SLC6A20: variants seen among roughly 807,000 people sequenced by gnomAD.
SLC6A20 encodes the protein solute carrier family 6 member 20, also known as sodium- and chloride-dependent transporter XTRP3.
Under a neutral mutation model 64.3 loss-of-function variants are expected in SLC6A20, and 73 were observed. That is an observed-to-expected ratio of 1.14 (90% CI 0.94 to 1.38). SLC6A20 has a LOEUF of 1.38. SLC6A20 is among the 40% of genes most tolerant of loss of function. SLC6A20 has a pLI of 0.00. For missense variants in SLC6A20, 725 were observed against 772.8 expected (o/e 0.94, Z 0.73); for synonymous variants, 347 against 329.6 (o/e 1.05, Z -0.57).
chr3:45,789,300 A>G (rs1239858111), intron 1 of SLC6A20, among the ~76,000 whole-genome samples: 3 of 152,244 alleles, frequency 2.0e-5, no homozygotes, highest in Non-Finnish European at 4.4e-5. Context: ...TTCATAATGT[A>G]AAAGATCAAA....
chr3:45,768,702 C>G (rs1699813582), intron 7 of SLC6A20, among the ~76,000 whole-genome samples: 1 of 152,170 alleles, frequency 6.6e-6, no homozygotes, highest in Non-Finnish European at 1.5e-5. Context: ...CCAAACAAAC[C>G]AAACCCAACC....
intron 2 of SLC6A20, among the ~76,000 whole-genome samples, chr3:45,780,803 A>G (rs1700071659): frequency 6.6e-6 from 1 of 152,248 alleles, no homozygotes; most frequent in South Asian, 2.1e-4. Context: ...GAAACCGGCC[A>G]TGGTGCCTGT....
chr3:45,784,936 C>A (rs1575436188), intron 1 of SLC6A20, among the ~76,000 whole-genome samples: 1 of 152,108 alleles, frequency 6.6e-6, no homozygotes, highest in South Asian at 2.1e-4. Flanking sequence ...TATAACAAAC[C>A]CACTCTCTCA....
At chr3:45,790,838 T>C (rs1005132919) in intron 1 of SLC6A20, among the ~76,000 whole-genome samples, 1 of 152,226 alleles carries the variant, frequency 6.6e-6, no homozygotes, top group Admixed American at 6.5e-5. Context: ...CTTTTTCATC[T>C]CCAGTTTCCT....
At chr3:45,792,715 G>A (rs554904862) in intron 1 of SLC6A20, among the ~76,000 whole-genome samples, 70 of 152,272 alleles carry the variant, frequency 4.6e-4, no homozygotes, top group Non-Finnish European at 8.1e-4. Context: ...AGAGCCAACC[G>A]GCCCCACCTC....
intron 1 of SLC6A20, among the ~76,000 whole-genome samples, chr3:45,787,915 T>C (rs901637783): frequency 6.6e-6 from 1 of 152,206 alleles, no homozygotes; most frequent in African/African-American, 2.4e-5. Context: ...TTTTCTCTTC[T>C]TGTAATCTCC....
intron 3 of SLC6A20, among the ~76,000 whole-genome samples, chr3:45,777,634 G>A (rs142315247): frequency 9.2e-5 from 14 of 152,310 alleles, no homozygotes; most frequent in South Asian, 2.1e-4. Flanking sequence ...TGAATGATGC[G>A]GGTGCAGGGA....
Position 45,782,976 on chromosome 3 carries a change from T to C in SLC6A20, c.122-753A>G, listed in dbSNP as rs79558055. 7.5e-3 allele frequency among the ~76,000 whole-genome samples: 1,148 copies of C among 152,380 alleles called. 107 individuals are homozygous for C. The East Asian group carries it at 0.19, about 26-fold the overall frequency. ...GCCAAGACAATTGTGTTGTTAAATA[T>C]GTCAGACATCATGCCTGGATCCATG... On this transcript the variant is annotated intron_variant, in intron 1 of 10. Coordinates refer to ENST00000358525, the MANE Select transcript of SLC6A20 (RefSeq NM_020208.4).
chr3:45,765,656 T>C lies in SLC6A20; in HGVS notation c.1184A>G (p.Tyr395Cys). The part of the protein sequence containing the change: ...MEVSQLWSVL[Y>C]FFMLLMLGIG... ...GCCCAGCATCAGCAGCATGAAGAAG[T>C]AGAGCACCGACCACAGCTGGGACAC... The change falls in exon 8 of 11, where the codon TAC (tyrosine) becomes TGC (cysteine). Residue 395 changes from tyrosine to cysteine, a missense_variant. Physicochemically the swap from Tyr to Cys is radical, Grantham distance 194. Transcript: ENST00000358525. The surrounding 1 kb of genome is among the most constrained non-coding windows in gnomAD (Gnocchi z 4.2). 1 of 1,614,138 alleles carries C rather than the reference T, an allele frequency of 6.2e-7. No individual in the cohort carries two copies. The highest frequency in any genetic ancestry group is 8.5e-7 in the Non-Finnish European group (1 of 1,180,022).
intron 3 of SLC6A20, among the ~76,000 whole-genome samples, chr3:45,778,735 A>G (rs1300060464): frequency 1.3e-5 from 2 of 152,222 alleles, no homozygotes; most frequent in Non-Finnish European, 2.9e-5. Context: ...CCAACCATAC[A>G]TGAGCCCTGC....
chr3:45,782,105 G>A lies in SLC6A20; in HGVS notation c.240C>T (p.Ile80=). ...TACCGACACCACTGAGGTACGGGCT[G>A]ATGGTCCTCCAGGCGCCGATGCTGC... ...RQGSIGAWRT[I]SPYLSGVGVA... is the part of the protein sequence containing the mutation. The change falls in exon 2 of 11, where the codon ATC becomes ATT. Residue 80 remains isoleucine, a synonymous_variant. Transcript: ENST00000358525. 2 of 1,612,632 alleles carry A rather than the reference G, an allele frequency of 1.2e-6. No individual in the cohort carries two copies. The highest frequency in any genetic ancestry group is 2.2e-5 in the South Asian group (2 of 90,764).
At chr3:45,793,484 C>CT (rs1559574255) in intron 1 of SLC6A20, among the ~76,000 whole-genome samples, 1 of 151,176 alleles carries the variant, frequency 6.6e-6, no homozygotes, top group African/African-American at 2.5e-5. Flanking sequence ...TTTGAGCTGC[C>CT]TTTTATTTTT....
In SLC6A20 at chr3:45,765,871, C is replaced by T; in HGVS notation, c.1099-130G>A. On this transcript the variant is annotated intron_variant, in intron 7 of 10. Transcript: ENST00000358525. The surrounding 1 kb of genome is among the most constrained non-coding windows in gnomAD (Gnocchi z 4.2). ...AGCCACATTGTGAGGTTGGAGCTTC[C>T]ATCTGCAGATCAACCCCTTACACTC... 1.1e-6 allele frequency: 1 copy of T among 943,634 alleles called. No homozygotes were observed. Among genetic ancestry groups the T allele is most frequent in the Non-Finnish European group, 1.6e-6 (1 of 624,456 alleles). 58.5% of individuals were successfully genotyped at this position (943,634 alleles called of 1,614,324 possible).
At chr3:45,795,616 G>C (rs1281319591) in intron 1 of SLC6A20, among the ~76,000 whole-genome samples, 1 of 152,194 alleles carries the variant, frequency 6.6e-6, no homozygotes, top group Non-Finnish European at 1.5e-5. Flanking sequence ...GCTTCACGAG[G>C]TTATAGACAT....
intron 1 of SLC6A20, among the ~76,000 whole-genome samples, chr3:45,796,038 A>T (rs1575441063): frequency 6.6e-6 from 1 of 152,124 alleles, no homozygotes; most frequent in African/African-American, 2.4e-5. Flanking sequence ...AGCCTGGCCA[A>T]CAAGGGTGAG....
rs902868660 is a variant in SLC6A20, at chr3:45,771,099, T to C, written c.935+118A>G. The C allele has an allele frequency of 4.0e-5, 58 of 1,444,718 alleles. No homozygotes were observed. The East Asian group carries it at 1.3e-3, about 33-fold the overall frequency. 89.5% of individuals were successfully genotyped at this position (1,444,718 alleles called of 1,614,324 possible). A position where few individuals can be genotyped will look rare whatever the true frequency, so the allele number is the denominator to read the frequency against. ...CTGGTGGTGGTGTAGGGAGTCCAAATGTGAGCCCTGGATTGAGGACTCCAA... is the reference window on the plus strand; with the variant it reads ...CTGGTGGTGGTGTAGGGAGTCCAAACGTGAGCCCTGGATTGAGGACTCCAA... On this transcript the variant is annotated intron_variant, in intron 6 of 10. Transcript: ENST00000358525.
intron 1 of SLC6A20, among the ~76,000 whole-genome samples, chr3:45,784,510 C>T (rs1361370541): frequency 2.0e-5 from 3 of 152,088 alleles, no homozygotes; most frequent in Admixed American, 6.5e-5. Flanking sequence ...AATTGGATTT[C>T]GTTACTTCTT....
Position 45,782,111 on chromosome 3 carries a change from C to A in SLC6A20, c.234G>T (p.Arg78Ser). The change falls in exon 2 of 11, where the codon AGG becomes AGT. Residue 78 changes from arginine to serine, a missense_variant. Transcript: ENST00000358525. ...RMRQGSIGAW[R>S]TISPYLSGVG... is the part of the protein sequence containing the mutation. ...CACCACTGAGGTACGGGCTGATGGTCCTCCAGGCGCCGATGCTGCCCTGCC... is the reference window on the plus strand; with the variant it reads ...CACCACTGAGGTACGGGCTGATGGTACTCCAGGCGCCGATGCTGCCCTGCC... 6.2e-7 allele frequency: 1 copy of A among 1,612,810 alleles called. No homozygotes were observed. Among genetic ancestry groups the A allele is most frequent in the Non-Finnish European group, 8.5e-7 (1 of 1,179,468 alleles).
At chr3:45,789,251 C>T (rs1346784759) in intron 1 of SLC6A20, among the ~76,000 whole-genome samples, 1 of 152,014 alleles carries the variant, frequency 6.6e-6, no homozygotes, top group African/African-American at 2.4e-5. Context: ...GGAATTATAC[C>T]TTCTAAATCA....
Sources: gnomAD v4.1 joint callset for allele counts (sites outside exome capture counted in the v4.1 genomes callset) on GRCh38, gnomAD v4.1.1 for gene constraint, Gnocchi (gnomAD v3.1) non-coding constraint, MANE v1.5 for transcripts, NCBI Gene and HGNC (gene_info 2026-07-23, HGNC 2026-07-21) for gene names.